The following IL1RAPL1 variants were observed in gnomAD, a reference collection of about 807,000 sequenced individuals.
IL1RAPL1 encodes the protein interleukin 1 receptor accessory protein like 1, also known as interleukin-1 receptor accessory protein-like 1.
In IL1RAPL1, 3 loss-of-function variants were observed where a neutral mutation model predicts 48.4. That is an observed-to-expected ratio of 0.06 (90% CI 0.03 to 0.16). IL1RAPL1 has a LOEUF of 0.16. IL1RAPL1 is among the 10% of genes least tolerant of loss of function. The probability of loss-of-function intolerance (pLI) is 1.00; values close to 1 mark genes in which losing one functional copy is unlikely to be tolerated. For missense variants in IL1RAPL1, 349 were observed against 530.6 expected, an observed-to-expected ratio of 0.66 and a Z score of 3.36; for synonymous variants, 185 against 187.7, an observed-to-expected ratio of 0.99 and a Z score of 0.12.
At chrX:29,823,391 T>C (rs1930662058) in intron 6 of IL1RAPL1, among the ~76,000 whole-genome samples, 1 of 112,131 alleles carries the variant, frequency 8.9e-6, no homozygotes, top group Admixed American at 9.4e-5. Flanking sequence ...ATAATCAGTG[T>C]TACTCTAAAA....
intron 2 of IL1RAPL1, among the ~76,000 whole-genome samples, chrX:29,106,294 A>T (rs1326928369): frequency 9.0e-6 from 1 of 111,293 alleles, no homozygotes; most frequent in East Asian, 2.8e-4. Context: ...GCTGTAACCG[A>T]CCAACCTTTC....
At chrX:28,852,189 A>T (rs910365997) in intron 2 of IL1RAPL1, among the ~76,000 whole-genome samples, 1 of 111,907 alleles carries the variant, frequency 8.9e-6, no homozygotes, top group Non-Finnish European at 1.9e-5. Context: ...GAAGTAAATG[A>T]TACTTAGACC....
intron 3 of IL1RAPL1, among the ~76,000 whole-genome samples, chrX:29,358,936 G>A (rs766414157): frequency 2.7e-4 from 29 of 108,982 alleles, no homozygotes; most frequent in Non-Finnish European, 5.0e-4. Context: ...TGGGAGGATC[G>A]TTTGAGGCTG....
intron 6 of IL1RAPL1, among the ~76,000 whole-genome samples, chrX:29,784,833 G>T (rs775948217): frequency 1.1e-3 from 119 of 111,563 alleles, no homozygotes; most frequent in African/African-American, 3.8e-3. Context: ...TCTTGCATTT[G>T]TGGCAAACTC....
rs1488106206 is a variant in IL1RAPL1, at chrX:29,172,425, A to G, written c.83-110513A>G. On this transcript the variant is annotated intron_variant, in intron 2 of 10. Coordinates refer to ENST00000378993, the MANE Select transcript of IL1RAPL1 (RefSeq NM_014271.4). Reference sequence around the variant, plus strand: ...GCCCAGCAACCTATTTTTTTAAATCAATTTTATTGTATATATTTGAGGCTT... The same window carrying G: ...GCCCAGCAACCTATTTTTTTAAATCGATTTTATTGTATATATTTGAGGCTT... 2.7e-5 allele frequency among the ~76,000 whole-genome samples: 3 copies of G among 111,533 alleles called. No homozygotes were observed. The East Asian group carries it at 8.5e-4, about 31-fold the overall frequency.
chrX:29,445,208 A>T (rs1425365860), intron 5 of IL1RAPL1, among the ~76,000 whole-genome samples: 1 of 112,169 alleles, frequency 8.9e-6, no homozygotes. Flanking sequence ...AATGTTTCTA[A>T]GATATTAGAA....
rs138672089 is a variant in IL1RAPL1 at position 29,025,955 on chromosome X, A to G, written c.82+236530A>G. ...ACACCTAGAAATGTTGAGACTAAAT[A>G]CGTAAATAAAGTACAGTGTTTGCTC... On this transcript the variant is annotated intron_variant, in intron 2 of 10. Coordinates refer to ENST00000378993, the MANE Select transcript of IL1RAPL1 (RefSeq NM_014271.4). Among the ~76,000 whole-genome samples, 168 of 111,930 alleles carry G rather than the reference A, an allele frequency of 1.5e-3. 1 individual carries two copies. The highest frequency in any genetic ancestry group is 1.9e-3 in the Non-Finnish European group (102 of 53,182).
At chrX:28,643,817 C>T (rs987868010) in intron 1 of IL1RAPL1, among the ~76,000 whole-genome samples, 1 of 111,983 alleles carries the variant, frequency 8.9e-6, no homozygotes, top group African/African-American at 3.2e-5. Flanking sequence ...CCAAATCCCT[C>T]TCTTCAGCTG....
Position 29,263,847 on chromosome X carries a change from T to C in IL1RAPL1, c.83-19091T>C, listed in dbSNP as rs188321758. On this transcript the variant is annotated intron_variant, in intron 2 of 10. Transcript: ENST00000378993. ...CATTCATCATTCTCTCTCTCTCTCT[T>C]TCTCTCTCTCTCTCCCCCCCCCCCG... Among the ~76,000 whole-genome samples the C allele has an allele frequency of 7.3e-3, 476 of 64,807 alleles. 4 individuals are homozygous for C. Among genetic ancestry groups the C allele is most frequent in the African/African-American group, 0.025 (462 of 18,760 alleles). The allele number at this position is 64,807 out of a possible 115,157, so 56.3% of individuals were successfully genotyped here. A position where few individuals can be genotyped will look rare whatever the true frequency, so the allele number is the denominator to read the frequency against.
intron 2 of IL1RAPL1, among the ~76,000 whole-genome samples, chrX:29,022,951 C>CATACTTGTTA (rs1926405337): frequency 8.9e-6 from 1 of 112,102 alleles, no homozygotes; most frequent in Admixed American, 9.5e-5. Flanking sequence ...CTCACTGCAG[C>CATACTTGTTA]CCACACTTGT....
At chrX:28,702,136 G>A (rs1463618356) in intron 1 of IL1RAPL1, among the ~76,000 whole-genome samples, 2 of 111,037 alleles carry the variant, frequency 1.8e-5, no homozygotes, top group Non-Finnish European at 3.8e-5. Context: ...GCTAAGTCAC[G>A]TAAAAAGTTG....
intron 1 of IL1RAPL1, among the ~76,000 whole-genome samples, chrX:28,660,351 T>G (rs1232039465): frequency 9.0e-6 from 1 of 110,795 alleles, no homozygotes; most frequent in Non-Finnish European, 1.9e-5. Context: ...TGTCAAAATG[T>G]CAGTCATTAA....
intron 2 of IL1RAPL1, among the ~76,000 whole-genome samples, chrX:29,106,436 TA>T (rs1218459871): frequency 1.3e-4 from 14 of 108,284 alleles, no homozygotes; most frequent in South Asian, 3.9e-4. Context: ...AGTGGGATTC[TA>T]AAAAAAAAAT....
At chrX:29,493,820 T>TC (rs773695817) in intron 5 of IL1RAPL1, among the ~76,000 whole-genome samples, 2 of 111,188 alleles carry the variant, frequency 1.8e-5, no homozygotes, top group African/African-American at 6.5e-5. Flanking sequence ...TCAGCCCTTG[T>TC]CCCCTTCCCC....
chrX:28,855,462 C>T (rs1921781571), intron 2 of IL1RAPL1, among the ~76,000 whole-genome samples: 1 of 111,055 alleles, frequency 9.0e-6, no homozygotes, highest in African/African-American at 3.3e-5. Context: ...TTACAGTACA[C>T]CAAAGAAGGG....
chrX:29,124,144 ATATACT>A (rs1191501934), intron 2 of IL1RAPL1, among the ~76,000 whole-genome samples: 2 of 112,086 alleles, frequency 1.8e-5, no homozygotes, highest in Non-Finnish European at 3.8e-5. Flanking sequence ...AGTAACGGAA[ATATACT>A]TAAAAGATCA....
intron 2 of IL1RAPL1, among the ~76,000 whole-genome samples, chrX:29,022,470 A>G (rs1263507662): frequency 8.9e-6 from 1 of 112,280 alleles, no homozygotes; most frequent in East Asian, 2.8e-4. Flanking sequence ...CAAATATGGA[A>G]ATCAGGTGAT....
At chrX:29,110,607 C>A (rs928650878) in intron 2 of IL1RAPL1, among the ~76,000 whole-genome samples, 3 of 111,581 alleles carry the variant, frequency 2.7e-5, no homozygotes, top group Non-Finnish European at 5.6e-5. Context: ...TTTAATATTG[C>A]GAAAATTGTA....
chrX:29,226,762 A>C (rs1228512789), intron 2 of IL1RAPL1, among the ~76,000 whole-genome samples: 2 of 110,765 alleles, frequency 1.8e-5, no homozygotes, highest in East Asian at 5.6e-4. Flanking sequence ...AGATGAAAAA[A>C]AAACTGTAAT....
Sources: gnomAD v4.1 joint callset for allele counts (sites outside exome capture counted in the v4.1 genomes callset) on GRCh38, gnomAD v4.1.1 for gene constraint, MANE v1.5 for transcripts, NCBI Gene and HGNC (gene_info 2026-07-23, HGNC 2026-07-21) for gene names.